Variants in ZDHHC15 observed in about 807,000 individuals in gnomAD.
The protein encoded by ZDHHC15 is zDHHC palmitoyltransferase 15.
ZDHHC15 carries 19 observed loss-of-function variants against 31.7 expected under a neutral mutation model. The observed-to-expected ratio is 0.60, with a 90% CI of 0.42 to 0.88. ZDHHC15 has a LOEUF of 0.88. ZDHHC15 is among the 40% of genes least tolerant of loss of function. ZDHHC15 has a pLI of 0.00. For synonymous variants in ZDHHC15, 103 were observed against 90.0 expected (o/e 1.14, Z -0.82); for missense variants, 209 against 251.2 (o/e 0.83, Z 1.14).
intron 2 of ZDHHC15, among the ~76,000 whole-genome samples, chrX:75,481,717 C>A (rs2084691567): frequency 9.0e-6 from 1 of 111,392 alleles, no homozygotes; most frequent in Admixed American, 9.6e-5. Flanking sequence ...TCAGAATTAC[C>A]CAGCAAAGTT....
At chrX:75,406,257 G>GA (rs1418839717) in intron 10 of ZDHHC15, among the ~76,000 whole-genome samples, 6 of 111,211 alleles carry the variant, frequency 5.4e-5, no homozygotes, top group African/African-American at 2.0e-4. Flanking sequence ...AGAAAGACTT[G>GA]AAAAAAGAAC....
chrX:75,421,420 ATAAT>A (rs1478740544), intron 9 of ZDHHC15, among the ~76,000 whole-genome samples: 1 of 65,253 alleles, frequency 1.5e-5, no homozygotes, highest in African/African-American at 7.2e-5. Flanking sequence ...TAATATATAT[ATAAT>A]ATATATATAA....
At chrX:75,380,631 C>T (rs926954373) in intron 10 of ZDHHC15, among the ~76,000 whole-genome samples, 15 of 110,624 alleles carry the variant, frequency 1.4e-4, no homozygotes, top group African/African-American at 4.6e-4. Context: ...GGTAGCTCAC[C>T]GGGTGAGGAC....
intron 2 of ZDHHC15, among the ~76,000 whole-genome samples, chrX:75,493,068 C>G (rs770488434): frequency 1.8e-5 from 2 of 111,649 alleles, no homozygotes; most frequent in South Asian, 3.8e-4. Flanking sequence ...AGAGCAGAAT[C>G]AAATAGATAC....
chrX:75,485,782 A>G (rs1226556852), intron 2 of ZDHHC15, among the ~76,000 whole-genome samples: 1 of 112,407 alleles, frequency 8.9e-6, no homozygotes. Context: ...TCCATCCGTA[A>G]CTCTGTAGTG....
intron 3 of ZDHHC15, among the ~76,000 whole-genome samples, chrX:75,455,629 G>A (rs1245751111): frequency 3.6e-5 from 4 of 111,715 alleles, no homozygotes; most frequent in Non-Finnish European, 5.6e-5. Flanking sequence ...CTGACAATGG[G>A]CTAATATCCA....
At chrX:75,430,018 T>A in intron 5 of ZDHHC15, 38 bp from the exon 6 acceptor site, 1 of 1,186,390 alleles carries the variant, frequency 8.4e-7, no homozygotes, top group African/African-American at 1.7e-5. Context: ...TAAGTGAGGC[T>A]ATGGAAATGA....
intron 10 of ZDHHC15, among the ~76,000 whole-genome samples, chrX:75,404,740 A>C (rs1382144169): frequency 8.9e-6 from 1 of 112,072 alleles, no homozygotes; most frequent in Non-Finnish European, 1.9e-5. Flanking sequence ...GATGCTGGTG[A>C]GGTTACAGAG....
At chrX:75,484,427 C>T (rs1347860727) in intron 2 of ZDHHC15, among the ~76,000 whole-genome samples, 2 of 112,024 alleles carry the variant, frequency 1.8e-5, no homozygotes, top group Non-Finnish European at 3.8e-5. Context: ...AGAAGATATA[C>T]AGATGGCAAA....
chrX:75,485,271 T>C (rs924955336), intron 2 of ZDHHC15, among the ~76,000 whole-genome samples: 4 of 111,528 alleles, frequency 3.6e-5, no homozygotes, highest in African/African-American at 1.3e-4. Flanking sequence ...TTGGTGTCTT[T>C]TCATCTTAGA....
At chrX:75,522,568 C>T (rs2085457636) in intron 1 of ZDHHC15, among the ~76,000 whole-genome samples, 1 of 110,723 alleles carries the variant, frequency 9.0e-6, no homozygotes, top group Non-Finnish European at 1.9e-5. Context: ...GTAGGGGCTC[C>T]CAGAAGGAGA....
At chrX:75,456,174 TA>T (rs1750563200) in intron 3 of ZDHHC15, among the ~76,000 whole-genome samples, 1 of 111,069 alleles carries the variant, frequency 9.0e-6, no homozygotes, top group South Asian at 3.8e-4. Context: ...TATGCAGCCA[TA>T]AAAAAGGATG....
chrX:75,462,214 C>T (rs954040091), intron 3 of ZDHHC15, among the ~76,000 whole-genome samples: 3 of 112,272 alleles, frequency 2.7e-5, no homozygotes, highest in South Asian at 3.6e-4. Context: ...AGGTTCAATT[C>T]AACAAGAAGA....
chrX:75,514,809 A>C (rs1046961769), intron 1 of ZDHHC15, among the ~76,000 whole-genome samples: 1 of 111,886 alleles, frequency 8.9e-6, no homozygotes, highest in Non-Finnish European at 1.9e-5. Flanking sequence ...AGTCCGAGAT[A>C]GAATTGTGAG....
intron 3 of ZDHHC15, among the ~76,000 whole-genome samples, chrX:75,469,914 C>T (rs2084476894): frequency 9.0e-6 from 1 of 111,640 alleles, no homozygotes; most frequent in African/African-American, 3.3e-5. Flanking sequence ...TATAGTAAGC[C>T]TTTTAAAAAA....
At chrX:75,486,783 C>A (rs1427453152) in intron 2 of ZDHHC15, among the ~76,000 whole-genome samples, 1 of 110,748 alleles carries the variant, frequency 9.0e-6, no homozygotes, top group Admixed American at 9.6e-5. Context: ...AACATAACTT[C>A]ATTGCCTGAG....
At chrX:75,490,666 T>C (rs2084869819) in intron 2 of ZDHHC15, among the ~76,000 whole-genome samples, 1 of 111,448 alleles carries the variant, frequency 9.0e-6, no homozygotes, top group Non-Finnish European at 1.9e-5. Flanking sequence ...TTTTATTTCA[T>C]TGAGCAGTGG....
chrX:75,422,805 T>A (rs183619905), intron 8 of ZDHHC15, among the ~76,000 whole-genome samples: 2,071 of 110,672 alleles, frequency 0.019, 52 homozygotes, highest in African/African-American at 0.062. Flanking sequence ...ACTTTTTTTT[T>A]AAATTTATTA....
chrX:75,452,610 T>G (rs1421357366), intron 3 of ZDHHC15, among the ~76,000 whole-genome samples: 2 of 111,657 alleles, frequency 1.8e-5, no homozygotes, highest in East Asian at 2.8e-4. Context: ...CACATCGCAC[T>G]TATTCCAAAA....
Sources: allele counts gnomAD v4.1 joint callset (sites outside exome capture counted in the v4.1 genomes callset), GRCh38; gene constraint gnomAD v4.1.1; transcripts MANE v1.5; gene names NCBI Gene and HGNC (gene_info 2026-07-23, HGNC 2026-07-21).